ZC3H12B: variants seen among roughly 807,000 people sequenced by gnomAD.
ZC3H12B encodes the protein zinc finger CCCH-type containing 12B, also known as probable ribonuclease ZC3H12B.
Under a neutral mutation model 43.9 loss-of-function variants are expected in ZC3H12B, and 7 were observed. The observed-to-expected ratio is 0.16, with a 90% CI of 0.09 to 0.30. ZC3H12B has a LOEUF of 0.30. Among genes scored for constraint, ZC3H12B ranks in the 10% least tolerant of loss-of-function variants. The pLI is 1.00. For synonymous variants in ZC3H12B, 222 were observed against 241.7 expected (o/e 0.92, Z 0.76); for missense variants, 475 against 670.2 (o/e 0.71, Z 3.22).
At chrX:65,163,818 C>A in the ZC3H12B span, among the ~76,000 whole-genome samples, 4 of 111,921 alleles carry the variant, frequency 3.6e-5, no homozygotes, top group African/African-American at 1.3e-4. Context: ...GTGAGATGAA[C>A]CCGGTACCTC....
chrX:65,407,502 C>T (rs1207840054), intron 3 of ZC3H12B, among the ~76,000 whole-genome samples: 2 of 113,347 alleles, frequency 1.8e-5, no homozygotes, highest in Non-Finnish European at 3.8e-5. Context: ...TGCGAGCACC[C>T]GGGCCGAGGG....
intron 2 of ZC3H12B, among the ~76,000 whole-genome samples, chrX:65,377,756 G>A (rs1454451030): frequency 9.0e-6 from 1 of 111,556 alleles, no homozygotes; most frequent in Admixed American, 9.6e-5. Context: ...TACATCAAAT[G>A]CTAAAGGAAG....
the ZC3H12B span, among the ~76,000 whole-genome samples, chrX:65,284,006 G>C: frequency 9.0e-6 from 1 of 110,999 alleles, no homozygotes; most frequent in East Asian, 2.8e-4. Flanking sequence ...TTTCAGCCAG[G>C]ATGGGGGATC....
the ZC3H12B span, among the ~76,000 whole-genome samples, chrX:65,195,095 C>A: frequency 1.1e-5 from 1 of 87,600 alleles, no homozygotes. Flanking sequence ...ATCATTGGGT[C>A]TTTTTTTTTT....
the ZC3H12B span, among the ~76,000 whole-genome samples, chrX:65,252,009 A>T: frequency 9.0e-6 from 1 of 111,678 alleles, no homozygotes; most frequent in East Asian, 2.8e-4. Context: ...TCCCTGTCTT[A>T]TGCCAGTTTT....
exon 1 of ZC3H12B, chrX:65,489,248 G>C: frequency 1.7e-6 from 2 of 1,211,517 alleles, no homozygotes; most frequent in Non-Finnish European, 2.2e-6. Context: ...TCAGACTTGG[G>C]AACAAAGGTG....
chrX:65,286,155 A>G, the ZC3H12B span, among the ~76,000 whole-genome samples: 15 of 112,077 alleles, frequency 1.3e-4, no homozygotes, highest in Non-Finnish European at 2.6e-4. Context: ...AAGACATGGA[A>G]TCAACCTAGA....
At position 65,480,676 on chromosome X, in the gene ZC3H12B, A is replaced by G. The variant is rs749913186; in HGVS notation, n.408-7970A>G. ...AGCCTGACCAACATGGCGAAACTGCATCTCTACTAAAAATACAAAATTAGC... is the reference window on the plus strand; with the variant it reads ...AGCCTGACCAACATGGCGAAACTGCGTCTCTACTAAAAATACAAAATTAGC... On this transcript the variant is annotated intron_variant and non_coding_transcript_variant, in intron 3 of 5. Transcript: ENST00000617377. Among the ~76,000 whole-genome samples the G allele has an allele frequency of 4.5e-5, 5 of 110,979 alleles. No individual in the cohort carries two copies. The South Asian group carries it at 1.9e-3, about 42-fold the overall frequency.
At chrX:65,382,955 G>T (rs2148012451) in intron 2 of ZC3H12B, among the ~76,000 whole-genome samples, 1 of 110,774 alleles carries the variant, frequency 9.0e-6, no homozygotes, top group South Asian at 3.8e-4. Flanking sequence ...AATAAAAGAG[G>T]ATACAAACAA....
At chrX:65,050,516 G>A in the ZC3H12B span, among the ~76,000 whole-genome samples, 57 of 111,248 alleles carry the variant, frequency 5.1e-4, no homozygotes, top group African/African-American at 1.8e-3. Flanking sequence ...TTATCATGAA[G>A]TATGATGTTA....
At chrX:65,246,238 C>T in the ZC3H12B span, among the ~76,000 whole-genome samples, 1 of 111,049 alleles carries the variant, frequency 9.0e-6, no homozygotes, top group African/African-American at 3.3e-5. Flanking sequence ...AGAACCAAAA[C>T]CATTGCTGAA....
At chrX:65,488,742 A>T in exon 1 of ZC3H12B, 2 of 1,094,571 alleles carry the variant, frequency 1.8e-6, no homozygotes, top group Non-Finnish European at 2.4e-6. Flanking sequence ...CTGCATGTGG[A>T]TTCCAAGCAG....
chrX:65,189,894 A>T, the ZC3H12B span, among the ~76,000 whole-genome samples: 1 of 108,273 alleles, frequency 9.2e-6, no homozygotes, highest in South Asian at 3.8e-4. Flanking sequence ...CTGAATGGTA[A>T]TGCCTAGATT....
chrX:65,132,447 G>A, the ZC3H12B span, among the ~76,000 whole-genome samples: 2 of 110,050 alleles, frequency 1.8e-5, no homozygotes, highest in Non-Finnish European at 3.8e-5. Context: ...GGTAAGGGGT[G>A]CATGGTCGGC....
chrX:65,442,147 C>A lies in ZC3H12B; in HGVS notation n.407+43443C>A, dbSNP rs150960817. On this transcript the variant is annotated intron_variant and non_coding_transcript_variant, in intron 3 of 5. Transcript: ENST00000617377. ...TTATCCACTTTTAGTCCTGCCATTGCCTGTGCCAACAAGGTAGCATTATAC... is the reference window on the plus strand; with the variant it reads ...TTATCCACTTTTAGTCCTGCCATTGACTGTGCCAACAAGGTAGCATTATAC... 1.8e-4 allele frequency among the ~76,000 whole-genome samples: 20 copies of A among 108,428 alleles called. No homozygotes were observed. The East Asian group carries it at 5.5e-3, about 30-fold the overall frequency. 94.2% of individuals were successfully genotyped at this position (108,428 alleles called of 115,157 possible).
chrX:65,471,681 C>T (rs2067916352), intron 3 of ZC3H12B, among the ~76,000 whole-genome samples: 1 of 110,097 alleles, frequency 9.1e-6, no homozygotes, highest in African/African-American at 3.3e-5. Context: ...AAACTCCTGA[C>T]CTGAAGTGAT....
At chrX:65,507,579 T>C (rs767171619) in exon 5 of ZC3H12B, 1 of 112,443 alleles carries the variant, frequency 8.9e-6, no homozygotes, top group East Asian at 2.8e-4. Context: ...TAAACAATAC[T>C]GTTTAATGGT....
chrX:65,456,712 G>A (rs1324786770), intron 3 of ZC3H12B, among the ~76,000 whole-genome samples: 6 of 108,265 alleles, frequency 5.5e-5, no homozygotes, highest in East Asian at 3.0e-4. Flanking sequence ...CCGAGGCACC[G>A]GGATTGCAGA....
intron 3 of ZC3H12B, among the ~76,000 whole-genome samples, chrX:65,441,039 A>G (rs958302096): frequency 8.9e-6 from 1 of 112,324 alleles, no homozygotes; most frequent in Non-Finnish European, 1.9e-5. Flanking sequence ...TGCTTGAAGC[A>G]GTTCTTTCAA....
Sources: gnomAD v4.1 joint callset for allele counts (sites outside exome capture counted in the v4.1 genomes callset) on GRCh38, gnomAD v4.1.1 for gene constraint, MANE v1.5 for transcripts, NCBI Gene and HGNC (gene_info 2026-07-23, HGNC 2026-07-21) for gene names.